EVL: variants seen among roughly 807,000 people sequenced by gnomAD.
EVL encodes the protein Enah/Vasp-like.
Under a neutral mutation model 59.6 loss-of-function variants are expected in EVL, and 21 were observed. The ratio of observed to expected loss-of-function variants is 0.35; its 90% CI spans 0.25 to 0.51. EVL has a LOEUF of 0.51. Ranked by LOEUF, EVL falls within the 20% of genes least tolerant of loss-of-function variation. The pLI is 0.97. For synonymous variants in EVL, 198 were observed against 203.5 expected (o/e 0.97, Z 0.23); for missense variants, 462 against 546.6 (o/e 0.85, Z 1.54).
intron 1 of EVL, among the ~76,000 whole-genome samples, chr14:99,997,413 A>G (rs752599690): frequency 2.0e-5 from 3 of 152,262 alleles, no homozygotes; most frequent in Non-Finnish European, 4.4e-5. Context: ...CTTAGCCTTT[A>G]TGTAGTCCAG....
chr14:100,038,768 T>TGG (rs200974181), intron 1 of EVL, among the ~76,000 whole-genome samples: 53 of 32,264 alleles, frequency 1.6e-3, no homozygotes, highest in African/African-American at 2.3e-3. Context: ...TGCTGTGCCC[T>TGG]GGGGTGTGTG....
intron 2 of EVL, 55 bp from the exon 3 acceptor site, chr14:100,097,426 G>C (rs1022814367): frequency 6.6e-7 from 1 of 1,520,192 alleles, no homozygotes; most frequent in African/African-American, 1.4e-5. Flanking sequence ...CAGCGCCCTC[G>C]AGCTCACTTA....
intron 8 of EVL, chr14:100,135,613 G>C (rs1278736386): frequency 8.5e-6 from 3 of 353,738 alleles, no homozygotes; most frequent in East Asian, 1.2e-4. Flanking sequence ...CGGCCCAAGG[G>C]GGGCTCAGGG....
intron 1 of EVL, among the ~76,000 whole-genome samples, chr14:100,056,053 G>T (rs1050805478): frequency 1.3e-5 from 2 of 151,856 alleles, no homozygotes; most frequent in Admixed American, 6.6e-5. Flanking sequence ...CTCACGATCC[G>T]CCCACCTCGG....
At chr14:99,997,100 ACT>A (rs2060918729) in intron 1 of EVL, among the ~76,000 whole-genome samples, 1 of 152,024 alleles carries the variant, frequency 6.6e-6, no homozygotes, top group South Asian at 2.1e-4. Context: ...AATTTTAGAT[ACT>A]CTGTTATTAC....
At chr14:100,079,777 A>G (rs2062252150) in intron 1 of EVL, among the ~76,000 whole-genome samples, 1 of 152,134 alleles carries the variant, frequency 6.6e-6, no homozygotes. Flanking sequence ...CCAGCCACAC[A>G]GGGAGTGGGG....
intron 1 of EVL, among the ~76,000 whole-genome samples, chr14:99,984,053 C>G (rs746581378): frequency 1.3e-5 from 2 of 152,186 alleles, no homozygotes; most frequent in African/African-American, 2.4e-5. Context: ...ACACTGCCAC[C>G]TGTACCTAAG....
At chr14:100,001,690 A>G (rs935185242) in intron 1 of EVL, among the ~76,000 whole-genome samples, 9 of 152,340 alleles carry the variant, frequency 5.9e-5, no homozygotes, top group Admixed American at 3.9e-4. Flanking sequence ...TTGAAGTCCC[A>G]TGATAACCTG....
intron 1 of EVL, among the ~76,000 whole-genome samples, chr14:100,082,038 C>T (rs1194338057): frequency 3.3e-5 from 5 of 152,298 alleles, no homozygotes; most frequent in African/African-American, 1.2e-4. Context: ...GCACAAGAAT[C>T]GCCTGAACCT....
At chr14:99,990,107 A>G (rs2060865931) in intron 1 of EVL, among the ~76,000 whole-genome samples, 1 of 152,230 alleles carries the variant, frequency 6.6e-6, no homozygotes, top group African/African-American at 2.4e-5. Flanking sequence ...GGTCAGAGTC[A>G]TCCATGAAGG....
upstream of EVL, among the ~76,000 whole-genome samples, chr14:100,063,236 G>A (rs1031718902): frequency 2.0e-5 from 3 of 152,208 alleles, no homozygotes; most frequent in African/African-American, 7.2e-5. Flanking sequence ...GTCCTTAAAA[G>A]TAGAGAACCT....
intron 1 of EVL, among the ~76,000 whole-genome samples, chr14:100,059,929 A>G (rs912419009): frequency 6.6e-6 from 1 of 152,234 alleles, no homozygotes; most frequent in East Asian, 1.9e-4. Flanking sequence ...CTAACATACA[A>G]TCATAAGTTA....
intron 1 of EVL, among the ~76,000 whole-genome samples, chr14:100,069,654 A>T (rs1484420788): frequency 6.6e-6 from 1 of 152,158 alleles, no homozygotes; most frequent in Non-Finnish European, 1.5e-5. Context: ...TGTCTCAAAG[A>T]ATCCCATGTG....
chr14:100,140,989 A>G, intron 11 of EVL, 191 bp from the exon 12 acceptor site: 1 of 543,832 alleles, frequency 1.8e-6, no homozygotes, highest in African/African-American at 1.9e-5. Flanking sequence ...CACGGTATCC[A>G]TGGAGACCTC....
At chr14:100,062,531 G>A (rs2140265438), upstream of EVL, among the ~76,000 whole-genome samples, 1 of 152,162 alleles carries the variant, frequency 6.6e-6, no homozygotes, top group African/African-American at 2.4e-5. Flanking sequence ...GAAGAACAGA[G>A]GAACCAGAAA....
chr14:99,983,011 T>TA (rs2060817694), intron 1 of EVL, among the ~76,000 whole-genome samples: 1 of 152,200 alleles, frequency 6.6e-6, no homozygotes, highest in Admixed American at 6.5e-5. Context: ...CAGCTTATGA[T>TA]ATTCAGTAAA....
chr14:100,123,650 TG>T (rs1191188802), intron 4 of EVL, 48 bp downstream of exon 4: 10 of 1,605,858 alleles, frequency 6.2e-6, no homozygotes, highest in African/African-American at 1.3e-5. Flanking sequence ...CCAATCAGGC[TG>T]GGTGGCCAGG....
intron 2 of EVL, among the ~76,000 whole-genome samples, chr14:100,086,516 G>A (rs2062446652): frequency 6.6e-6 from 1 of 152,186 alleles, no homozygotes; most frequent in Non-Finnish European, 1.5e-5. Context: ...CTGCCTCTTG[G>A]TTGCCCTCCA....
At chr14:100,141,404 C>G (rs1019483016) in intron 12 of EVL, among the ~76,000 whole-genome samples, 158 bp downstream of exon 12, 1 of 152,222 alleles carries the variant, frequency 6.6e-6, no homozygotes, top group African/African-American at 2.4e-5. Context: ...GTGCCCAAGC[C>G]TGTCCTTTGT....
Sources: allele counts gnomAD v4.1 joint callset (sites outside exome capture counted in the v4.1 genomes callset), GRCh38; gene constraint gnomAD v4.1.1; transcripts MANE v1.5; gene names NCBI Gene and HGNC (gene_info 2026-07-23, HGNC 2026-07-21).